Variants in CTNNA2 observed in about 807,000 individuals in gnomAD.
CTNNA2 encodes catenin alpha 2, also known as catenin alpha-2.
A neutral mutation model predicts 101.0 loss-of-function variants in CTNNA2; 42 were observed. That is an observed-to-expected ratio of 0.42 (90% confidence interval 0.32 to 0.54). CTNNA2 has a LOEUF of 0.54. Among genes scored for constraint, CTNNA2 ranks in the 20% least tolerant of loss-of-function variants. The pLI is 0.14. For missense variants in CTNNA2, 871 were observed against 1,223.1 expected (o/e 0.71, Z 4.29); for synonymous variants, 450 against 456.4 (o/e 0.99, Z 0.18).
intron 1 of CTNNA2, among the ~76,000 whole-genome samples, chr2:79,628,487 G>T (rs567817353): frequency 6.6e-6 from 1 of 151,688 alleles, no homozygotes; most frequent in African/African-American, 2.4e-5. Context: ...TTCAATATCC[G>T]GTTGTCAACT....
At chr2:80,058,481 CACAA>C (rs759635608) in intron 7 of CTNNA2, among the ~76,000 whole-genome samples, 28 of 152,056 alleles carry the variant, frequency 1.8e-4, no homozygotes, top group Non-Finnish European at 3.5e-4. Flanking sequence ...GAGAGTTTGC[CACAA>C]ACAGTGACGT....
At chr2:80,043,801 T>C (rs1313170464) in intron 7 of CTNNA2, among the ~76,000 whole-genome samples, 1 of 152,224 alleles carries the variant, frequency 6.6e-6, no homozygotes, top group East Asian at 1.9e-4. Flanking sequence ...GTCTTCGCAA[T>C]GTATCCAGAG....
chr2:79,937,285 T>C (rs1418667959), intron 7 of CTNNA2, among the ~76,000 whole-genome samples: 2 of 152,286 alleles, frequency 1.3e-5, no homozygotes, highest in African/African-American at 4.8e-5. Context: ...CAGCCACATA[T>C]AGCACTTTTA....
rs569855103 is a variant in CTNNA2, at chr2:80,356,772, G to A, written c.1057-36439G>A. Among the ~76,000 whole-genome samples, 6 of 152,202 alleles carry A rather than the reference G, an allele frequency of 3.9e-5. No homozygotes were observed. The East Asian group carries it at 1.2e-3, about 29-fold the overall frequency. ...GACACCATTCATTCAACACTTATCG[G>A]TCAGCTGTCTTAGGAAGTCTCTTTG... On this transcript the variant is annotated intron_variant, in intron 7 of 18. Transcript: ENST00000402739.
chr2:79,189,021 C>G (rs907041623), intron 1 of CTNNA2, among the ~76,000 whole-genome samples: 1 of 152,156 alleles, frequency 6.6e-6, no homozygotes, highest in Non-Finnish European at 1.5e-5. Flanking sequence ...GTGTCTGACA[C>G]ATTGCGTATG....
chr2:79,554,957 G>A (rs899987553), intron 1 of CTNNA2, among the ~76,000 whole-genome samples: 22 of 152,130 alleles, frequency 1.4e-4, no homozygotes, highest in African/African-American at 5.3e-4. Flanking sequence ...ATGCCATTTA[G>A]CAGCCATTTA....
intron 17 of CTNNA2, 114 bp from the exon 18 acceptor site, chr2:80,618,970 TC>T: frequency 1.7e-6 from 1 of 573,650 alleles, no homozygotes; most frequent in Non-Finnish European, 2.8e-6. Context: ...ACCTCTTTTT[TC>T]CCAATTACCC....
At chr2:79,397,646 T>C (rs1180603631) in intron 4 of CTNNA2, among the ~76,000 whole-genome samples, 1 of 152,002 alleles carries the variant, frequency 6.6e-6, no homozygotes, top group Non-Finnish European at 1.5e-5. Context: ...CAAGTCTGTT[T>C]GTTAAATTTT....
chr2:79,936,118 CTATT>C (rs1478342172), intron 7 of CTNNA2, among the ~76,000 whole-genome samples: 2 of 151,948 alleles, frequency 1.3e-5, no homozygotes, highest in Non-Finnish European at 2.9e-5. Context: ...ACAATGTGCT[CTATT>C]TAGTGTATTC....
At chr2:80,638,324 T>G (rs1429299603) in intron 18 of CTNNA2, among the ~76,000 whole-genome samples, 2 of 151,800 alleles carry the variant, frequency 1.3e-5, no homozygotes, top group African/African-American at 4.8e-5. Flanking sequence ...TTCCCAATTA[T>G]GGGGGGGGTG....
chr2:80,291,199 T>C (rs935745789), intron 7 of CTNNA2, among the ~76,000 whole-genome samples: 2 of 152,366 alleles, frequency 1.3e-5, no homozygotes, highest in Admixed American at 6.5e-5. Flanking sequence ...AGTCTTTCCC[T>C]TGGGGGAAGT....
At chr2:79,540,008 A>G (rs188105905) in intron 1 of CTNNA2, among the ~76,000 whole-genome samples, 20 of 152,328 alleles carry the variant, frequency 1.3e-4, no homozygotes, top group Admixed American at 9.8e-4. Context: ...TAATTTGTAT[A>G]TAATTCCTAA....
At chr2:80,431,027 A>C (rs1472350620) in intron 9 of CTNNA2, among the ~76,000 whole-genome samples, 1 of 152,178 alleles carries the variant, frequency 6.6e-6, no homozygotes, top group East Asian at 1.9e-4. Flanking sequence ...TAAGAGCAAG[A>C]AGTGTTTTAA....
chr2:80,282,772 T>C (rs559677005), intron 7 of CTNNA2, among the ~76,000 whole-genome samples: 276 of 152,312 alleles, frequency 1.8e-3, no homozygotes, highest in African/African-American at 6.4e-3. Context: ...TGCTTACTAG[T>C]TATGTCTTGC....
chr2:80,376,221 A>G (rs186316576), intron 7 of CTNNA2, among the ~76,000 whole-genome samples: 15 of 152,030 alleles, frequency 9.9e-5, no homozygotes, highest in Non-Finnish European at 1.9e-4. Flanking sequence ...CTGATTTCCT[A>G]TGGGACCAGA....
At chr2:79,521,021 A>G (rs947813701) in intron 1 of CTNNA2, among the ~76,000 whole-genome samples, 1 of 150,930 alleles carries the variant, frequency 6.6e-6, no homozygotes, top group East Asian at 2.0e-4. Context: ...CAGCATACTC[A>G]TAATAGCTTC....
intron 18 of CTNNA2, among the ~76,000 whole-genome samples, chr2:80,638,540 C>A (rs1055187704): frequency 6.6e-6 from 1 of 152,162 alleles, no homozygotes; most frequent in Non-Finnish European, 1.5e-5. Flanking sequence ...CTGTTCCGAA[C>A]TTTCCAAGGG....
intron 7 of CTNNA2, among the ~76,000 whole-genome samples, chr2:80,333,866 G>A (rs566879516): frequency 9.2e-5 from 14 of 152,194 alleles, no homozygotes; most frequent in East Asian, 1.9e-4. Context: ...CAAGTGATCC[G>A]CCTGTCTCAG....
chr2:79,647,121 C>CT (rs1444028659), intron 1 of CTNNA2, among the ~76,000 whole-genome samples: 2 of 152,062 alleles, frequency 1.3e-5, no homozygotes, highest in African/African-American at 4.8e-5. Flanking sequence ...GGGATTGAGA[C>CT]TATATATCAT....
Sources: allele counts gnomAD v4.1 joint callset (sites outside exome capture counted in the v4.1 genomes callset), GRCh38; gene constraint gnomAD v4.1.1; transcripts MANE v1.5; gene names NCBI Gene and HGNC (gene_info 2026-07-23, HGNC 2026-07-21).